ZNF862: variants seen among roughly 807,000 people sequenced by gnomAD.
ZNF862 encodes zinc finger protein 862.
ZNF862 carries 64 observed loss-of-function variants against 91.1 expected under a neutral mutation model. That is an observed-to-expected ratio of 0.70 (90% CI 0.57 to 0.87). The LOEUF (loss-of-function observed/expected upper bound fraction) is 0.87. ZNF862 is among the 40% of genes least tolerant of loss of function. The pLI, the probability that ZNF862 is intolerant of heterozygous loss-of-function variation, is 0.00. For synonymous variants in ZNF862, 631 were observed against 618.1 expected (o/e 1.02, Z -0.31); for missense variants, 1,459 against 1,528.0 (o/e 0.95, Z 0.75).
chr7:149,841,191 C>T (rs1801690824), intron 1 of ZNF862: 1 of 985,422 alleles, frequency 1.0e-6, no homozygotes, highest in Non-Finnish European at 1.2e-6. Flanking sequence ...TCTACAACTC[C>T]ACTCCGAACA....
At chr7:149,844,995 T>C (rs1446305447) in intron 2 of ZNF862, 2 of 408,658 alleles carry the variant, frequency 4.9e-6, no homozygotes, top group African/African-American at 4.1e-5. Flanking sequence ...GTCTGTCTCC[T>C]GGTGCCTCAG....
At chr7:149,862,515 T>C (rs1202350868) in intron 7 of ZNF862, 21 bp downstream of exon 7, 1 of 1,556,204 alleles carries the variant, frequency 6.4e-7, no homozygotes, top group South Asian at 1.2e-5. Flanking sequence ...GTGGCAGAGC[T>C]CCCCCAAGGC....
intron 7 of ZNF862, among the ~76,000 whole-genome samples, chr7:149,863,504 T>G (rs111858270): frequency 0.023 from 3,516 of 152,060 alleles, 163 homozygotes; most frequent in African/African-American, 0.081. Context: ...CAGGTGGGGA[T>G]AAGAAAAGAG....
rs186432114 is a variant in ZNF862 at position 149,856,827 on chromosome 7, G to A, written c.1118-2595G>A. Among the ~76,000 whole-genome samples the A allele has an allele frequency of 1.6e-3, 237 of 152,316 alleles. 1 individual carries two copies. The highest frequency in any genetic ancestry group is 6.8e-3 in the Middle Eastern group (2 of 294). On this transcript the variant is annotated intron_variant, in intron 5 of 7. Coordinates refer to ENST00000223210, the MANE Select transcript of ZNF862 (RefSeq NM_001099220.3). ...TCCTCCAGTGGCTTCCTAAGGAAGGGTGCAGGGGAGGCCTTCTTTCTGTGA... is the reference window on the plus strand; with the variant it reads ...TCCTCCAGTGGCTTCCTAAGGAAGGATGCAGGGGAGGCCTTCTTTCTGTGA...
chr7:149,844,052 A>T (rs1801791801), intron 1 of ZNF862, among the ~76,000 whole-genome samples: 1 of 152,136 alleles, frequency 6.6e-6, no homozygotes, highest in Non-Finnish European at 1.5e-5. Flanking sequence ...GGGAATAAAC[A>T]AAATTAAATG....
chr7:149,862,403 G>C lies in ZNF862; in HGVS notation c.3243G>C (p.Gln1081His). 3 of 1,612,564 alleles carry C rather than the reference G, an allele frequency of 1.9e-6. No individual in the cohort carries two copies. The South Asian group carries it at 3.3e-5, about 18-fold the overall frequency. The change falls in exon 7 of 8, where the codon CAG (glutamine) becomes CAC (histidine). Residue 1081 changes from glutamine to histidine, a missense_variant. Coordinates refer to ENST00000223210, the MANE Select transcript of ZNF862 (RefSeq NM_001099220.3). Reference sequence around the variant, plus strand: ...TGGCCGTCACGGAGTACGACCCCCAGCCCGCCATCCAGCACTGGTACCTGA... The same window carrying C: ...TGGCCGTCACGGAGTACGACCCCCACCCCGCCATCCAGCACTGGTACCTGA... ...NGVAVTEYDP[Q>H]PAIQHWYLTS...
Position 149,852,930 on chromosome 7 carries a change from C to T in ZNF862, c.1117+2592C>T, listed in dbSNP as rs141926996. Among the ~76,000 whole-genome samples the T allele has an allele frequency of 2.6e-5, 4 of 152,304 alleles. No individual in the cohort carries two copies. The East Asian group carries it at 7.7e-4, about 29-fold the overall frequency. On this transcript the variant is annotated intron_variant, in intron 5 of 7. Transcript: ENST00000223210. ...AGAGCTGGGGGAAGGCGTTGTGTCA[C>T]TCATGGAAAACAACACTGAGTGGGA... is the stretch of plus-strand genomic sequence containing the variant.
Position 149,861,065 on chromosome 7 carries a change from C to G in ZNF862, c.1905C>G (p.Ser635=), listed in dbSNP as rs767551948. The change falls in exon 7 of 8, where the codon TCC becomes TCG. Residue 635 remains serine, a synonymous_variant. Coordinates refer to ENST00000223210, the MANE Select transcript of ZNF862 (RefSeq NM_001099220.3). This position sits in a 1 kb window ranked among gnomAD's most constrained non-coding sequence, Gnocchi z 6.7. ...TGCTGGACAGCTCCACCGACGCCTC[C>G]GAGCAGGCCTGCGTGGGGATTTACA... ...SVLLDSSTDA[S]EQACVGIYIR... The G allele has an allele frequency of 6.2e-7, 1 of 1,612,742 alleles. No homozygotes were observed. Among genetic ancestry groups the G allele is most frequent in the Non-Finnish European group, 8.5e-7 (1 of 1,179,734 alleles).
chr7:149,849,932 C>T (rs759808293), intron 4 of ZNF862, among the ~76,000 whole-genome samples: 3 of 152,184 alleles, frequency 2.0e-5, no homozygotes, highest in Non-Finnish European at 4.4e-5. Context: ...CTTTCATTTC[C>T]GCCCAGGAGA....
chr7:149,841,104 A>G, intron 1 of ZNF862: 2 of 985,484 alleles, frequency 2.0e-6, no homozygotes, highest in South Asian at 4.7e-5. Context: ...TCATACAAGA[A>G]TGAAATAAAG....
At position 149,862,107 on chromosome 7, in the gene ZNF862, G is replaced by A. The variant is rs1272660535; in HGVS notation, c.2947G>A (p.Gly983Arg). 6.2e-7 allele frequency: 1 copy of A among 1,613,496 alleles called. No homozygotes were observed. Among genetic ancestry groups the A allele is most frequent in the Non-Finnish European group, 8.5e-7 (1 of 1,179,886 alleles). The change falls in exon 7 of 8, where the codon GGA (glycine) becomes AGA (arginine). Residue 983 changes from glycine to arginine, a missense_variant. Transcript: ENST00000223210. ...ARYFECSLPT[G>R]YSEEALLEEW... is the part of the protein sequence containing the mutation. ...GTATTTCGAGTGCTCCCTCCCAACA[G>A]GATACAGTGAGGAAGCTCTGCTGGA...
At chr7:149,863,022 G>T (rs1472234910) in intron 7 of ZNF862, among the ~76,000 whole-genome samples, 2 of 152,192 alleles carry the variant, frequency 1.3e-5, no homozygotes, top group Non-Finnish European at 2.9e-5. Flanking sequence ...ATGTGGCTGT[G>T]GAGGAGGTGA....
At position 149,865,562 on chromosome 7, in the gene ZNF862, A is replaced by C. The variant is rs1323530083; in HGVS notation, c.*1278A>C. 6.6e-6 allele frequency: 1 copy of C among 152,248 alleles called. No individual in the cohort carries two copies. The highest frequency in any genetic ancestry group is 1.9e-4 in the East Asian group (1 of 5,194). 9.4% of individuals were successfully genotyped at this position (152,248 alleles called of 1,614,324 possible). Reference sequence around the variant, plus strand: ...CCCGATCTTCCTTCCACCTAAAGTGAAGCACTTTTCCTTCCAAGGGCAGCT... The same window carrying C: ...CCCGATCTTCCTTCCACCTAAAGTGCAGCACTTTTCCTTCCAAGGGCAGCT... On this transcript the variant is annotated 3_prime_UTR_variant, in exon 8 of 8. Coordinates refer to ENST00000223210, the MANE Select transcript of ZNF862 (RefSeq NM_001099220.3).
Position 149,864,212 on chromosome 7 carries a change from G to T in ZNF862, c.3438G>T (p.Lys1146Asn). The T allele has an allele frequency of 6.2e-7, 1 of 1,600,130 alleles. No individual in the cohort carries two copies. Among genetic ancestry groups the T allele is most frequent in the Middle Eastern group, 1.8e-4 (1 of 5,676 alleles). Residue 1146 changes from lysine to asparagine, a missense_variant, in exon 8 of 8, where the codon AAG (lysine) becomes AAT (asparagine). By Grantham distance (94) the Lys-to-Asn change is moderately conservative (BLOSUM62 0). Coordinates refer to ENST00000223210, the MANE Select transcript of ZNF862 (RefSeq NM_001099220.3). ...LPSREAAEVL[K>N]DCIMEPPERL... is the part of the protein sequence containing the mutation. The stretch of plus-strand genomic sequence containing the variant: ...CCAGGGAAGCAGCGGAGGTTCTGAA[G>T]GACTGCATCATGGAGCCTCCCGAGA...
Position 149,865,658 on chromosome 7 carries a change from C to T in ZNF862, c.*1374C>T, listed in dbSNP as rs1802689185. ...TTTGTCTAGGTTCTGCCTTCCTTAA[C>T]CATGGGCAGGAAATGAGGCAAGTCA... On this transcript the variant is annotated 3_prime_UTR_variant, in exon 8 of 8. Coordinates refer to ENST00000223210, the MANE Select transcript of ZNF862 (RefSeq NM_001099220.3). 6.6e-6 allele frequency: 1 copy of T among 152,238 alleles called. No homozygotes were observed. Among genetic ancestry groups the T allele is most frequent in the African/African-American group, 2.4e-5 (1 of 41,440 alleles). The allele number at this position is 152,238 out of a possible 1,614,324, so 9.4% of individuals were successfully genotyped here. A position where few individuals can be genotyped will look rare whatever the true frequency, so the allele number is the denominator to read the frequency against.
intron 5 of ZNF862, among the ~76,000 whole-genome samples, chr7:149,856,662 T>C (rs1047911647): frequency 6.6e-6 from 1 of 152,142 alleles, no homozygotes; most frequent in African/African-American, 2.4e-5. Flanking sequence ...TCCGGGGCCT[T>C]CTCCTCCCCT....
At position 149,860,563 on chromosome 7, in the gene ZNF862, C is replaced by T. The variant is rs773457696; in HGVS notation, c.1403C>T (p.Ser468Leu). Residue 468 changes from serine to leucine, a missense_variant, in exon 7 of 8, where the codon TCA (serine) becomes TTA (leucine). Physicochemically the swap from Ser to Leu is moderately radical, Grantham distance 145. Transcript: ENST00000223210. ...RTYRPRSIQR[S>L]WFGQFPWLVI... ...TACAGGCCCCGTTCCATTCAGAGGT[C>T]ATGGTTTGGGCAGTTCCCATGGTTA... 3.7e-6 allele frequency: 6 copies of T among 1,614,020 alleles called. No homozygotes were observed. The highest frequency in any genetic ancestry group is 1.6e-4 in the Middle Eastern group (1 of 6,062).
At position 149,850,486 on chromosome 7, in the gene ZNF862, C is replaced by T. The variant is rs929404721; in HGVS notation, c.1117+148C>T. 4 of 771,734 alleles carry T rather than the reference C, an allele frequency of 5.2e-6. No homozygotes were observed. In the Admixed American group the frequency reaches 1.2e-4, roughly 23 times the overall value. The allele number at this position is 771,734 out of a possible 1,614,324, so 47.8% of individuals were successfully genotyped here. The stretch of plus-strand genomic sequence containing the variant: ...TCCTGTCTTTTGCACCTCATAACTC[C>T]CCTGCTTGGGGTAACTGTGCTTTAT... On this transcript the variant is annotated intron_variant, in intron 5 of 7. Coordinates refer to ENST00000223210, the MANE Select transcript of ZNF862 (RefSeq NM_001099220.3). The surrounding 1 kb of genome is among the most constrained non-coding windows in gnomAD (Gnocchi z 4.2).
intron 6 of ZNF862, chr7:149,860,060 C>T (rs1490562034): frequency 2.2e-5 from 8 of 363,202 alleles, no homozygotes; most frequent in Non-Finnish European, 3.5e-5. Context: ...GCTTATCCAA[C>T]AGTCTCTGTG....
Sources: allele counts gnomAD v4.1 joint callset (sites outside exome capture counted in the v4.1 genomes callset), GRCh38; gene constraint gnomAD v4.1.1; non-coding constraint Gnocchi (gnomAD v3.1); transcripts MANE v1.5; gene names NCBI Gene and HGNC (gene_info 2026-07-23, HGNC 2026-07-21).